The following ATP9B variants were observed in gnomAD, a reference collection of about 807,000 sequenced individuals.
The protein encoded by ATP9B is probable phospholipid-transporting ATPase IIB.
ATP9B carries 110 observed loss-of-function variants against 146.1 expected under a neutral mutation model. The observed-to-expected ratio is 0.75, with a 90% CI of 0.65 to 0.88. The LOEUF is 0.88. Ranked by LOEUF, ATP9B falls within the 40% of genes least tolerant of loss-of-function variation. The pLI is 0.00. For missense variants in ATP9B, 1,499 were observed against 1,496.4 expected (o/e 1.00, Z -0.03); for synonymous variants, 604 against 569.7 (o/e 1.06, Z -0.86).
At chr18:79,195,682 A>G (rs1378697060) in intron 9 of ATP9B, among the ~76,000 whole-genome samples, 1 of 152,254 alleles carries the variant, frequency 6.6e-6, no homozygotes, top group African/African-American at 2.4e-5. Flanking sequence ...AACGTGAATG[A>G]GAAGGCTAAC....
At position 79,373,990 on chromosome 18, in the gene ATP9B, C is replaced by T. The variant is rs1291606195; in HGVS notation, c.3163C>T (p.Leu1055=). 1.2e-6 allele frequency: 2 copies of T among 1,614,034 alleles called. No individual in the cohort carries two copies. The highest frequency in any genetic ancestry group is 1.3e-5 in the African/African-American group (1 of 74,918). ...ISFTALILTE[L]LMVALTVRTW... The stretch of plus-strand genomic sequence containing the variant: ...CTTCACCGCACTGATCCTGACCGAG[C>T]TGCTGATGGTGGCGCTGACCGTCCG... Residue 1055 remains leucine, a synonymous_variant, in exon 28 of 30, where the codon CTG becomes TTG. Coordinates refer to ENST00000426216, the MANE Select transcript of ATP9B (RefSeq NM_198531.5).
chr18:79,076,749 T>G (rs2072668697), intron 1 of ATP9B, among the ~76,000 whole-genome samples: 1 of 152,208 alleles, frequency 6.6e-6, no homozygotes, highest in Non-Finnish European at 1.5e-5. Context: ...TGAGCTCTAC[T>G]CTCCGTCCCT....
intron 11 of ATP9B, among the ~76,000 whole-genome samples, chr18:79,221,612 G>A (rs562364677): frequency 6.6e-6 from 1 of 151,836 alleles, no homozygotes; most frequent in African/African-American, 2.4e-5. Context: ...TCCCAGCTAC[G>A]CAAGAGGCTG....
At chr18:79,201,794 A>G (rs1044040877) in intron 9 of ATP9B, among the ~76,000 whole-genome samples, 5 of 152,130 alleles carry the variant, frequency 3.3e-5, no homozygotes, top group Admixed American at 2.0e-4. Context: ...CTCCTGACCT[A>G]GTGATCCACC....
chr18:79,259,111 T>A (rs1461840276), intron 12 of ATP9B, among the ~76,000 whole-genome samples: 1 of 152,240 alleles, frequency 6.6e-6, no homozygotes, highest in Non-Finnish European at 1.5e-5. Flanking sequence ...TAAAAATTCC[T>A]CTGTATGAAG....
intron 7 of ATP9B, among the ~76,000 whole-genome samples, chr18:79,166,802 ATTC>A (rs1229994198): frequency 6.6e-6 from 1 of 152,182 alleles, no homozygotes; most frequent in Non-Finnish European, 1.5e-5. Flanking sequence ...TGCTGGGCTC[ATTC>A]TGCCTCCTTG....
rs184453801 is a variant in ATP9B at position 79,118,511 on chromosome 18, C to T, written c.558+5157C>T. ...CGCCTCCCGGGTTCATGCCATTCTC[C>T]TGCCTCAGCCTTCCAAGTAGCTGGG... is the stretch of plus-strand genomic sequence containing the variant. On this transcript the variant is annotated intron_variant, in intron 4 of 29. Transcript: ENST00000426216. 1.8e-4 allele frequency among the ~76,000 whole-genome samples: 26 copies of T among 147,756 alleles called. No homozygotes were observed. In the East Asian group the frequency reaches 4.6e-3, roughly 26 times the overall value.
chr18:79,114,063 C>T (rs1599647332), intron 4 of ATP9B, among the ~76,000 whole-genome samples: 1 of 152,152 alleles, frequency 6.6e-6, no homozygotes, highest in Admixed American at 6.5e-5. Flanking sequence ...CTCCGCCTCC[C>T]GGGTGCAAGC....
intron 11 of ATP9B, among the ~76,000 whole-genome samples, chr18:79,218,255 T>C (rs985794721): frequency 6.6e-6 from 1 of 151,530 alleles, no homozygotes; most frequent in Non-Finnish European, 1.5e-5. Flanking sequence ...CAGCTCCTGC[T>C]TCTTGTCATA....
In ATP9B at chr18:79,347,832, G is replaced by T; in HGVS notation, c.2745G>T (p.Arg915Ser). The change falls in exon 24 of 30, where the codon AGG becomes AGT. Residue 915 changes from arginine to serine, a missense_variant. Physicochemically the swap from Arg to Ser is moderately radical, Grantham distance 110. Transcript: ENST00000426216. ...TCACGCAGTTCCGGCACATAGGCAG[G>T]CTGCTCATGGTGCACGGGCGGAACA... is the stretch of plus-strand genomic sequence containing the variant. The part of the protein sequence containing the change: ...FSITQFRHIG[R>S]LLMVHGRNSY... 2 of 1,613,488 alleles carry T rather than the reference G, an allele frequency of 1.2e-6. No individual in the cohort carries two copies. The highest frequency in any genetic ancestry group is 2.2e-5 in the South Asian group (2 of 91,056).
At chr18:79,194,067 C>T (rs1002298187) in intron 9 of ATP9B, among the ~76,000 whole-genome samples, 2 of 152,044 alleles carry the variant, frequency 1.3e-5, no homozygotes, top group African/African-American at 4.8e-5. Flanking sequence ...CTGCCTATTT[C>T]CATAGGTGCT....
At chr18:79,128,380 G>A (rs931380943) in intron 5 of ATP9B, among the ~76,000 whole-genome samples, 1 of 152,140 alleles carries the variant, frequency 6.6e-6, no homozygotes, top group African/African-American at 2.4e-5. Context: ...TAACTGGGTT[G>A]TTTGATTCAT....
chr18:79,206,727 T>C (rs190933647), intron 9 of ATP9B, among the ~76,000 whole-genome samples: 177 of 152,362 alleles, frequency 1.2e-3, no homozygotes, highest in African/African-American at 4.0e-3. Flanking sequence ...TGTTAAGCAT[T>C]GCAAGCAATT....
intron 7 of ATP9B, among the ~76,000 whole-genome samples, chr18:79,166,899 T>C (rs1395488464): frequency 6.6e-6 from 1 of 151,898 alleles, no homozygotes; most frequent in Non-Finnish European, 1.5e-5. Flanking sequence ...TGGCAAGGTG[T>C]GTGTGAGCGA....
intron 7 of ATP9B, among the ~76,000 whole-genome samples, chr18:79,156,462 G>A (rs1310483156): frequency 6.6e-6 from 1 of 152,222 alleles, no homozygotes; most frequent in East Asian, 1.9e-4. Flanking sequence ...GAAACTGCTT[G>A]TTAAAGATGC....
Position 79,193,231 on chromosome 18 carries a change from G to A in ATP9B, c.922G>A (p.Asp308Asn), listed in dbSNP as rs147426701. The change falls in exon 9 of 30, where the codon GAC (aspartate) becomes AAC (asparagine). Residue 308 changes from aspartate (D) to asparagine (N), a missense_variant. Transcript: ENST00000426216. ...TGTTTATGCTCAGAAACCACAAATG[G>A]ACATTCACAGTTTCGAAGGCACATT... ...AYVYAQKPQM[D>N]IHSFEGTFTR... 6.8e-6 allele frequency: 11 copies of A among 1,611,720 alleles called. No homozygotes were observed. In the African/African-American group the frequency reaches 1.5e-4, roughly 22 times the overall value.
intron 3 of ATP9B, among the ~76,000 whole-genome samples, chr18:79,111,820 A>G (rs1349465377): frequency 6.6e-6 from 1 of 152,156 alleles, no homozygotes; most frequent in Non-Finnish European, 1.5e-5. Context: ...TGAGTTTTTT[A>G]TCTTAGATCG....
At chr18:79,376,853 C>T (rs1280467612) in intron 29 of ATP9B, among the ~76,000 whole-genome samples, 1 of 152,024 alleles carries the variant, frequency 6.6e-6, no homozygotes, top group Admixed American at 6.6e-5. Flanking sequence ...CACCACCACG[C>T]CCGGCTAATG....
At chr18:79,235,451 T>G (rs2095832408) in intron 11 of ATP9B, among the ~76,000 whole-genome samples, 1 of 152,218 alleles carries the variant, frequency 6.6e-6, no homozygotes, top group Non-Finnish European at 1.5e-5. Context: ...TTGGTTTTTG[T>G]TTTTTATATT....
Sources: allele counts gnomAD v4.1 joint callset (sites outside exome capture counted in the v4.1 genomes callset), GRCh38; gene constraint gnomAD v4.1.1; transcripts MANE v1.5; gene names NCBI Gene and HGNC (gene_info 2026-07-23, HGNC 2026-07-21).